PLCL1: variants seen among roughly 807,000 people sequenced by gnomAD.
PLCL1 encodes inactive phospholipase C-like protein 1.
A neutral mutation model predicts 84.4 loss-of-function variants in PLCL1; 41 were observed. The observed-to-expected ratio is 0.49, with a 90% confidence interval of 0.38 to 0.63. PLCL1 has a LOEUF of 0.63. PLCL1 is among the 30% of genes least tolerant of loss of function. The probability of loss-of-function intolerance (pLI) is 0.00; values close to 1 mark genes in which losing one functional copy is unlikely to be tolerated. For synonymous variants in PLCL1, 490 were observed against 488.3 expected (o/e 1.00, Z -0.05); for missense variants, 1,206 against 1,367.8 (o/e 0.88, Z 1.87).
chr2:197,868,145 CT>C (rs1687583002), intron 1 of PLCL1, among the ~76,000 whole-genome samples: 1 of 152,130 alleles, frequency 6.6e-6, no homozygotes, highest in Non-Finnish European at 1.5e-5. Flanking sequence ...TTTTGTGAAC[CT>C]TTTATGTCCA....
intron 1 of PLCL1, among the ~76,000 whole-genome samples, chr2:197,810,599 A>T (rs1428627420): frequency 6.6e-6 from 1 of 152,230 alleles, no homozygotes; most frequent in Non-Finnish European, 1.5e-5. Context: ...TTGCCAAATA[A>T]CACCTCAGGC....
chr2:198,119,296 T>G (rs528966773), intron 5 of PLCL1, among the ~76,000 whole-genome samples: 1 of 152,100 alleles, frequency 6.6e-6, no homozygotes, highest in Non-Finnish European at 1.5e-5. Context: ...TAAAAATAAA[T>G]AAATCTTTTA....
intron 1 of PLCL1, among the ~76,000 whole-genome samples, chr2:197,937,078 G>C (rs1011829285): frequency 2.0e-5 from 3 of 152,158 alleles, no homozygotes; most frequent in African/African-American, 4.8e-5. Flanking sequence ...ACTTGCCAAA[G>C]ATCAATTGAC....
Position 197,920,719 on chromosome 2 carries a change from T to C in PLCL1, c.240+115380T>C, listed in dbSNP as rs540139260. Among the ~76,000 whole-genome samples the C allele has an allele frequency of 7.4e-4, 112 of 152,300 alleles. 1 individual carries two copies. The highest frequency in any genetic ancestry group is 2.6e-3 in the African/African-American group (110 of 41,582). ...GCCCTCTGAAGAATATATATAGAAC[T>C]AAGGGTGAAATGACTTGGCATATTT... On this transcript the variant is annotated intron_variant, in intron 1 of 5. Transcript: ENST00000428675.
At chr2:198,127,303 A>T (rs991147752) in intron 5 of PLCL1, among the ~76,000 whole-genome samples, 2 of 152,176 alleles carry the variant, frequency 1.3e-5, no homozygotes, top group African/African-American at 4.8e-5. Context: ...ATACCAACAG[A>T]TTATTTAAAC....
intron 1 of PLCL1, among the ~76,000 whole-genome samples, chr2:197,999,844 GTA>G (rs1559069594): frequency 1.3e-5 from 2 of 151,896 alleles, no homozygotes; most frequent in African/African-American, 2.4e-5. Context: ...TATGTAATAC[GTA>G]TGTGTGTGTG....
chr2:197,985,132 C>T (rs190814046), intron 1 of PLCL1, among the ~76,000 whole-genome samples: 1 of 152,198 alleles, frequency 6.6e-6, no homozygotes, highest in East Asian at 1.9e-4. Flanking sequence ...TTGGTGCAAG[C>T]GCAAGGTAGG....
chr2:198,041,900 C>T lies in PLCL1; in HGVS notation c.241-41858C>T, dbSNP rs570290291. ...TAAGAGGAGACCAGGTGACAAAAATCGGTATGCAAGAGAAACAAAAAAATA... is the reference window on the plus strand; with the variant it reads ...TAAGAGGAGACCAGGTGACAAAAATTGGTATGCAAGAGAAACAAAAAAATA... On this transcript the variant is annotated intron_variant, in intron 1 of 5. Transcript: ENST00000428675. Among the ~76,000 whole-genome samples, 22 of 152,248 alleles carry T rather than the reference C, an allele frequency of 1.4e-4. No homozygotes were observed. In the South Asian group the frequency reaches 3.5e-3, roughly 24 times the overall value.
Position 197,956,679 on chromosome 2 carries a change from G to A in PLCL1, c.241-127079G>A, listed in dbSNP as rs113292302. Among the ~76,000 whole-genome samples, 906 of 152,076 alleles carry A rather than the reference G, an allele frequency of 6.0e-3. 5 individuals are homozygous for A. Among genetic ancestry groups the A allele is most frequent in the African/African-American group, 0.021 (867 of 41,424 alleles). On this transcript the variant is annotated intron_variant, in intron 1 of 5. Transcript: ENST00000428675. ...AATTTCTCTGATGATCAGTGATGTC[G>A]AGCTTTTTTTCATATGTTTGTTGGC...
At chr2:197,999,613 A>G (rs566684054) in intron 1 of PLCL1, among the ~76,000 whole-genome samples, 5 of 152,360 alleles carry the variant, frequency 3.3e-5, no homozygotes, top group Non-Finnish European at 7.3e-5. Flanking sequence ...TCAATTCTAC[A>G]GAATTCTATA....
intron 1 of PLCL1, among the ~76,000 whole-genome samples, chr2:197,862,422 A>G (rs1398252047): frequency 6.6e-6 from 1 of 152,218 alleles, no homozygotes; most frequent in Non-Finnish European, 1.5e-5. Flanking sequence ...GTTTATTTCT[A>G]GTGAAATCAG....
intron 1 of PLCL1, among the ~76,000 whole-genome samples, chr2:197,972,280 G>A (rs1376503260): frequency 6.6e-6 from 1 of 152,176 alleles, no homozygotes; most frequent in Non-Finnish European, 1.5e-5. Flanking sequence ...GGAAAACTTG[G>A]AACTCTAATT....
At chr2:198,098,474 A>G (rs1693253544) in intron 3 of PLCL1, among the ~76,000 whole-genome samples, 1 of 152,182 alleles carries the variant, frequency 6.6e-6, no homozygotes. Flanking sequence ...CTACACTTTA[A>G]TATGGTCTGC....
chr2:198,076,095 G>A (rs1348014622), intron 1 of PLCL1, among the ~76,000 whole-genome samples: 1 of 152,126 alleles, frequency 6.6e-6, no homozygotes, highest in Non-Finnish European at 1.5e-5. Flanking sequence ...ATTGCAGTGA[G>A]GTACAGCACA....
At chr2:198,039,637 A>G (rs1691614836) in intron 1 of PLCL1, among the ~76,000 whole-genome samples, 1 of 152,120 alleles carries the variant, frequency 6.6e-6, no homozygotes, top group South Asian at 2.1e-4. Flanking sequence ...GTTATAGTTA[A>G]CTGATTATTT....
chr2:197,915,428 AAG>A (rs1447358472), intron 1 of PLCL1, among the ~76,000 whole-genome samples: 2 of 152,136 alleles, frequency 1.3e-5, no homozygotes. Context: ...GAAAGAGAGG[AAG>A]AGTCAGAAGA....
intron 1 of PLCL1, among the ~76,000 whole-genome samples, chr2:197,834,371 C>T (rs1196287669): frequency 6.6e-6 from 1 of 152,130 alleles, no homozygotes; most frequent in Non-Finnish European, 1.5e-5. Flanking sequence ...AGGCAACCTA[C>T]AGAATGGGAG....
At chr2:198,093,261 CAA>C (rs1693096980) in intron 3 of PLCL1, among the ~76,000 whole-genome samples, 2 of 152,226 alleles carry the variant, frequency 1.3e-5, no homozygotes, top group South Asian at 4.1e-4. Context: ...ATGTACAACA[CAA>C]AGAGTCAACC....
chr2:198,024,007 T>C (rs571277784), intron 1 of PLCL1, among the ~76,000 whole-genome samples: 1 of 152,240 alleles, frequency 6.6e-6, no homozygotes, highest in South Asian at 2.1e-4. Flanking sequence ...CAAATGCCCA[T>C]CAATGTTAGA....
Sources: gnomAD v4.1 joint callset for allele counts (sites outside exome capture counted in the v4.1 genomes callset) on GRCh38, gnomAD v4.1.1 for gene constraint, MANE v1.5 for transcripts, NCBI Gene and HGNC (gene_info 2026-07-23, HGNC 2026-07-21) for gene names.